STAT1: variants seen among roughly 807,000 people sequenced by gnomAD.
STAT1 encodes the protein signal transducer and activator of transcription 1-alpha/beta.
STAT1 carries 24 observed loss-of-function variants against 111.7 expected under a neutral mutation model. The ratio of observed to expected loss-of-function variants is 0.21; its 90% CI spans 0.16 to 0.30. The LOEUF is 0.30. Ranked by LOEUF, STAT1 falls within the 10% of genes least tolerant of loss-of-function variation. The probability of loss-of-function intolerance (pLI) is 1.00; values close to 1 mark genes in which losing one functional copy is unlikely to be tolerated. For synonymous variants in STAT1, 332 were observed against 326.5 expected, an observed-to-expected ratio of 1.02 and a Z score of -0.18; for missense variants, 351 against 911.9, an observed-to-expected ratio of 0.38 and a Z score of 7.92.
Position 190,995,258 on chromosome 2 carries a change from A to G in STAT1, c.786-39T>C, listed in dbSNP as rs767387004. The G allele has an allele frequency of 6.2e-7, 1 of 1,606,270 alleles. No individual in the cohort carries two copies. The highest frequency in any genetic ancestry group is 1.7e-5 in the Admixed American group (1 of 60,008). ...AGACACAGATGTCTCTATGAGAAAC[A>G]GTCCAGAAGCAGCCTGGATTAAAGG... On this transcript the variant is annotated intron_variant, in intron 9 of 24. Transcript: ENST00000361099. This position sits in a 1 kb window ranked among gnomAD's most constrained non-coding sequence, Gnocchi z 4.2.
Position 190,986,956 on chromosome 2 carries a change from T to G in STAT1, c.1128-9A>C. 1 of 1,613,866 alleles carries G rather than the reference T, an allele frequency of 6.2e-7. No homozygotes were observed. ...TGTTGAACTTCCTAAATCTATACAATATAGGAAAGAAATGCTGAAAAGTCT... is the reference window on the plus strand; with the variant it reads ...TGTTGAACTTCCTAAATCTATACAAGATAGGAAAGAAATGCTGAAAAGTCT... On this transcript the variant is annotated splice_polypyrimidine_tract_variant and intron_variant, in intron 13 of 24. Coordinates refer to ENST00000361099, the MANE Select transcript of STAT1 (RefSeq NM_007315.4). The surrounding 1 kb of genome is among the most constrained non-coding windows in gnomAD (Gnocchi z 5.0).
chr2:191,010,981 T>C (rs1185136077), intron 2 of STAT1, among the ~76,000 whole-genome samples: 1 of 152,180 alleles, frequency 6.6e-6, no homozygotes, highest in African/African-American at 2.4e-5. Flanking sequence ...GGTGGCAATA[T>C]GCAGAGCAGA....
chr2:190,979,905 T>C lies in STAT1; in HGVS notation c.1633-39A>G. The C allele has an allele frequency of 7.1e-7, 1 of 1,409,650 alleles. No individual in the cohort carries two copies. Among genetic ancestry groups the C allele is most frequent in the Non-Finnish European group, 1.0e-6 (1 of 996,074 alleles). The allele number at this position is 1,409,650 out of a possible 1,614,324, so 87.3% of individuals were successfully genotyped here. On this transcript the variant is annotated intron_variant, in intron 19 of 24. Coordinates refer to ENST00000361099, the MANE Select transcript of STAT1 (RefSeq NM_007315.4). This position sits in a 1 kb window ranked among gnomAD's most constrained non-coding sequence, Gnocchi z 5.8. ...AATGCAGACATTATGAACAAAAATCTAAAACAATGACTTACCATGGCCCCT... is the reference window on the plus strand; with the variant it reads ...AATGCAGACATTATGAACAAAAATCCAAAACAATGACTTACCATGGCCCCT...
rs1282899168 is a variant in STAT1, at chr2:190,979,204, G to A, written c.1728-203C>T. Among the ~76,000 whole-genome samples the A allele has an allele frequency of 6.6e-6, 1 of 152,190 alleles. No homozygotes were observed. The highest frequency in any genetic ancestry group is 1.5e-5 in the Non-Finnish European group (1 of 68,016). ...TATATACTAAGGTTTTAAAAAAAGC[G>A]ATATGAACATGGTGTCAGTAGGATG... On this transcript the variant is annotated intron_variant, in intron 20 of 24. Coordinates refer to ENST00000361099, the MANE Select transcript of STAT1 (RefSeq NM_007315.4). This position sits in a 1 kb window ranked among gnomAD's most constrained non-coding sequence, Gnocchi z 5.8.
chr2:190,988,541 G>C (rs187707543), intron 12 of STAT1, among the ~76,000 whole-genome samples: 4 of 152,240 alleles, frequency 2.6e-5, no homozygotes, highest in Non-Finnish European at 4.4e-5. Context: ...ACCACACCTG[G>C]CTAATTTTTT....
rs761603937 is a variant in STAT1, at chr2:191,007,313, T to C, written c.372+250A>G. Among the ~76,000 whole-genome samples the C allele has an allele frequency of 6.6e-6, 1 of 152,200 alleles. No individual in the cohort carries two copies. Among genetic ancestry groups the C allele is most frequent in the Non-Finnish European group, 1.5e-5 (1 of 68,040 alleles). On this transcript the variant is annotated intron_variant, in intron 5 of 24. Coordinates refer to ENST00000361099, the MANE Select transcript of STAT1 (RefSeq NM_007315.4). The surrounding 1 kb of genome is among the most constrained non-coding windows in gnomAD (Gnocchi z 4.2). Reference sequence around the variant, plus strand: ...TCCATGAATTCAGCATGTTATCTTCTCAGCACTTTATGCTACCCAGAAGTA... The same window carrying C: ...TCCATGAATTCAGCATGTTATCTTCCCAGCACTTTATGCTACCCAGAAGTA...
rs995642548 is a variant in STAT1, at chr2:191,006,621, T to C, written c.372+942A>G. Among the ~76,000 whole-genome samples the C allele has an allele frequency of 1.3e-5, 2 of 152,214 alleles. No individual in the cohort carries two copies. Among genetic ancestry groups the C allele is most frequent in the Admixed American group, 6.5e-5 (1 of 15,286 alleles). Reference sequence around the variant, plus strand: ...CATACTGTGTCCTCTGGCATCCATATAGCAATGGGCTCCTCCAGAACAATC... The same window carrying C: ...CATACTGTGTCCTCTGGCATCCATACAGCAATGGGCTCCTCCAGAACAATC... On this transcript the variant is annotated intron_variant, in intron 5 of 24. Transcript: ENST00000361099. The surrounding 1 kb of genome is among the most constrained non-coding windows in gnomAD (Gnocchi z 4.6).
At position 190,993,367 on chromosome 2, in the gene STAT1, T is replaced by C; in HGVS notation, c.944+1694A>G. The C allele has an allele frequency of 1.7e-6, 2 of 1,144,318 alleles. No individual in the cohort carries two copies. Among genetic ancestry groups the C allele is most frequent in the Non-Finnish European group, 2.6e-6 (2 of 776,002 alleles). 70.9% of individuals were successfully genotyped at this position (1,144,318 alleles called of 1,614,324 possible). A position where few individuals can be genotyped will look rare whatever the true frequency, so the allele number is the denominator to read the frequency against. On this transcript the variant is annotated intron_variant, in intron 10 of 24. Coordinates refer to ENST00000361099, the MANE Select transcript of STAT1 (RefSeq NM_007315.4). This position sits in a 1 kb window ranked among gnomAD's most constrained non-coding sequence, Gnocchi z 4.1. ...CTGTTCGAAACCTTTCCTGTTCTGC[T>C]GTGTTCCATATTTGAAGCTTGATTG... is the stretch of plus-strand genomic sequence containing the variant.
At position 190,972,816 on chromosome 2, in the gene STAT1, G is replaced by GGTGTGTGTGTGTGTGT. The variant is rs34975356; in HGVS notation, c.2238+1998_2238+2013dup. Among the ~76,000 whole-genome samples the GGTGTGTGTGTGTGTGT allele has an allele frequency of 2.9e-5, 4 of 136,420 alleles. No individual in the cohort carries two copies. The East Asian group carries it at 6.4e-4, about 22-fold the overall frequency. The allele number at this position is 136,420 out of a possible 152,430, so 89.5% of individuals were successfully genotyped here. Reference sequence around the variant, plus strand: ...TGGGAGGCTTTAGTGGTGTATAGAGGGTGTGTGTGTGTGTGTGTGTGTGTG... The same window carrying GGTGTGTGTGTGTGTGT: ...TGGGAGGCTTTAGTGGTGTATAGAGGGTGTGTGTGTGTGTGTGTGTGTGTGTGTGTGTGTGTGTGTG... On this transcript the variant is annotated intron_variant, in intron 24 of 24. Transcript: ENST00000361099.
Position 190,970,789 on chromosome 2 carries a change from TG to T in STAT1, c.2239-73del, listed in dbSNP as rs1691394418. 2 of 1,410,942 alleles carry T rather than the reference TG, an allele frequency of 1.4e-6. No homozygotes were observed. The highest frequency in any genetic ancestry group is 2.8e-5 in the African/African-American group (2 of 70,802). The allele number at this position is 1,410,942 out of a possible 1,614,324, so 87.4% of individuals were successfully genotyped here. On this transcript the variant is annotated intron_variant, in intron 24 of 24. Coordinates refer to ENST00000361099, the MANE Select transcript of STAT1 (RefSeq NM_007315.4). The surrounding 1 kb of genome is among the most constrained non-coding windows in gnomAD (Gnocchi z 5.4). ...AAATGCAGACTCATACATTAAACAT[TG>T]CTTGTCTATTCTAGAATGAAGTAGT...
chr2:190,980,617 C>T lies in STAT1; in HGVS notation c.1632+3G>A. On this transcript the variant is annotated splice_donor_region_variant and intron_variant, in intron 19 of 24. Transcript: ENST00000361099. The surrounding 1 kb of genome is among the most constrained non-coding windows in gnomAD (Gnocchi z 6.1). The stretch of plus-strand genomic sequence containing the variant: ...GAGAGCATAAAACCCAGACAGTCCT[C>T]ACCTTACAAAACCTCGTCCACGGAA... 4 of 1,614,212 alleles carry T rather than the reference C, an allele frequency of 2.5e-6. No homozygotes were observed. Among genetic ancestry groups the T allele is most frequent in the South Asian group, 2.2e-5 (2 of 91,090 alleles).
At chr2:190,991,596 T>G (rs942240408) in intron 10 of STAT1, among the ~76,000 whole-genome samples, 14 of 152,142 alleles carry the variant, frequency 9.2e-5, no homozygotes, top group African/African-American at 3.4e-4. Context: ...CAGTGGCCCA[T>G]GTCTGTAATC....
chr2:190,985,622 A>G lies in STAT1; in HGVS notation c.1260T>C (p.Asn420=). The change falls in exon 15 of 25, where the codon AAT becomes AAC. Residue 420 remains asparagine (N), a synonymous_variant. Transcript: ENST00000361099. ...KEQKNAGTRT[N]EGPLIVTEEL... ...CACAACATAAAGGGACTCTCACCTCATTCGTTCTGGTGCCAGCATTTTTCT... is the reference window on the plus strand; with the variant it reads ...CACAACATAAAGGGACTCTCACCTCGTTCGTTCTGGTGCCAGCATTTTTCT... The G allele has an allele frequency of 2.5e-6, 4 of 1,614,212 alleles. No individual in the cohort carries two copies. The highest frequency in any genetic ancestry group is 8.5e-7 in the Non-Finnish European group (1 of 1,180,034).
Position 190,999,011 on chromosome 2 carries a change from T to C in STAT1, c.541+615A>G, listed in dbSNP as rs780703529. ...ACCATGGTATACCCCAGATGATGAATAGAGTAACAGCAGTACCCTACGTGT... is the reference window on the plus strand; with the variant it reads ...ACCATGGTATACCCCAGATGATGAACAGAGTAACAGCAGTACCCTACGTGT... On this transcript the variant is annotated intron_variant, in intron 7 of 24. Coordinates refer to ENST00000361099, the MANE Select transcript of STAT1 (RefSeq NM_007315.4). This position sits in a 1 kb window ranked among gnomAD's most constrained non-coding sequence, Gnocchi z 4.1. Among the ~76,000 whole-genome samples the C allele has an allele frequency of 6.6e-5, 10 of 152,060 alleles. No individual in the cohort carries two copies. The highest frequency in any genetic ancestry group is 2.1e-4 in the South Asian group (1 of 4,802).
At position 190,971,692 on chromosome 2, in the gene STAT1, T is replaced by C. The variant is rs985732357; in HGVS notation, c.2239-975A>G. 6.6e-5 allele frequency among the ~76,000 whole-genome samples: 2 copies of C among 30,206 alleles called. No homozygotes were observed. The highest frequency in any genetic ancestry group is 2.4e-4 in the African/African-American group (2 of 8,182). 19.8% of individuals were successfully genotyped at this position (30,206 alleles called of 152,430 possible). On this transcript the variant is annotated intron_variant, in intron 24 of 24. Transcript: ENST00000361099. This position sits in a 1 kb window ranked among gnomAD's most constrained non-coding sequence, Gnocchi z 4.1. ...CCCCTATGTTTCAGTCTAGCTTATG[T>C]TTCTCTTTTCTTTTTCTTTCTTTTT...
Position 190,993,229 on chromosome 2 carries a change from G to T in STAT1, c.944+1832C>A. ...CCAACAATTTGTTGACGTTTTCACT[G>T]GGATAATGATCTATTTTCTGCAGTC... On this transcript the variant is annotated intron_variant, in intron 10 of 24. Coordinates refer to ENST00000361099, the MANE Select transcript of STAT1 (RefSeq NM_007315.4). This position sits in a 1 kb window ranked among gnomAD's most constrained non-coding sequence, Gnocchi z 4.1. 1.7e-6 allele frequency: 1 copy of T among 577,702 alleles called. No homozygotes were observed. The allele number at this position is 577,702 out of a possible 1,614,324, so 35.8% of individuals were successfully genotyped here.
At position 190,983,536 on chromosome 2, in the gene STAT1, C is replaced by G. The variant is rs544057805; in HGVS notation, c.1446+106G>C. On this transcript the variant is annotated intron_variant, in intron 17 of 24. Coordinates refer to ENST00000361099, the MANE Select transcript of STAT1 (RefSeq NM_007315.4). The surrounding 1 kb of genome is among the most constrained non-coding windows in gnomAD (Gnocchi z 5.7). ...CTTAGAAATACCACAGGAGCTTTGT[C>G]ACTTCTCCCTTAACAACTGGCCATT... The G allele has an allele frequency of 4.8e-5, 46 of 968,252 alleles. No homozygotes were observed. The African/African-American group carries it at 6.7e-4, about 14-fold the overall frequency. The allele number at this position is 968,252 out of a possible 1,614,324, so 60.0% of individuals were successfully genotyped here.
intron 5 of STAT1, among the ~76,000 whole-genome samples, chr2:191,002,099 A>G (rs1694316411): frequency 6.6e-6 from 1 of 152,180 alleles, no homozygotes; most frequent in Non-Finnish European, 1.5e-5. Context: ...TATTGACATT[A>G]CATCATTCAC....
rs780286976 is a variant in STAT1, at chr2:191,010,009, A to G, written c.-1-5T>C. 2 of 1,613,828 alleles carry G rather than the reference A, an allele frequency of 1.2e-6. No homozygotes were observed. The highest frequency in any genetic ancestry group is 1.7e-6 in the Non-Finnish European group (2 of 1,179,792). Reference sequence around the variant, plus strand: ...AGTTCGTACCACTGAGACATCCTATAGGGAAAAAGAATATACATTCTTTCT... The same window carrying G: ...AGTTCGTACCACTGAGACATCCTATGGGGAAAAAGAATATACATTCTTTCT... On this transcript the variant is annotated splice_region_variant and splice_polypyrimidine_tract_variant and intron_variant, in intron 2 of 24. Transcript: ENST00000361099.
Sources: allele counts gnomAD v4.1 joint callset (sites outside exome capture counted in the v4.1 genomes callset), GRCh38; gene constraint gnomAD v4.1.1; non-coding constraint Gnocchi (gnomAD v3.1); transcripts MANE v1.5; gene names NCBI Gene and HGNC (gene_info 2026-07-23, HGNC 2026-07-21).